Variants in BAALC observed in about 807,000 individuals in gnomAD.
BAALC encodes the protein BAALC binder of MAP3K1 and KLF4.
A neutral mutation model predicts 15.5 loss-of-function variants in BAALC; 9 were observed. That is an observed-to-expected ratio of 0.58 (90% confidence interval 0.35 to 1.02). The LOEUF is 1.02. Ranked by LOEUF, BAALC falls within the 50% of genes least tolerant of loss-of-function variation. The pLI is 0.02. For missense variants in BAALC, 201 were observed against 192.4 expected (o/e 1.04, Z -0.27); for synonymous variants, 80 against 74.6 (o/e 1.07, Z -0.37).
rs572211622 is a variant in BAALC at position 103,203,809 on chromosome 8, ATACTT to A, written c.161-9107_161-9103del. ...TAATATTCCATTGTATATACATAAA[ATACTT>A]TATTTATCTATTCATCAATTGATGG... On this transcript the variant is annotated intron_variant, in intron 1 of 2. Coordinates refer to ENST00000309982, the MANE Select transcript of BAALC (RefSeq NM_024812.3). 3.8e-4 allele frequency among the ~76,000 whole-genome samples: 57 copies of A among 151,580 alleles called. No individual in the cohort carries two copies. In the South Asian group the frequency reaches 7.4e-3, roughly 20 times the overall value.
intron 1 of BAALC, among the ~76,000 whole-genome samples, chr8:103,155,082 A>C (rs761672048): frequency 1.3e-5 from 2 of 152,120 alleles, no homozygotes; most frequent in Non-Finnish European, 2.9e-5. Flanking sequence ...TCCACAAGTC[A>C]TGTAACTTCA....
chr8:103,229,309 G>T lies in BAALC; in HGVS notation c.*1210G>T, dbSNP rs950448728. The stretch of plus-strand genomic sequence containing the variant: ...TGGGATTGGGAAAGATAGGACTAAA[G>T]TTGTGCCAAACTATATCAATAAATT... On this transcript the variant is annotated 3_prime_UTR_variant, in exon 3 of 3. Coordinates refer to ENST00000309982, the MANE Select transcript of BAALC (RefSeq NM_024812.3). 1.3e-5 allele frequency: 2 copies of T among 152,198 alleles called. No individual in the cohort carries two copies. Among genetic ancestry groups the T allele is most frequent in the African/African-American group, 4.8e-5 (2 of 41,454 alleles). The allele number at this position is 152,198 out of a possible 1,614,324, so 9.4% of individuals were successfully genotyped here.
chr8:103,198,036 A>G (rs1196493660), intron 1 of BAALC: 6 of 674,388 alleles, frequency 8.9e-6, no homozygotes, highest in Non-Finnish European at 1.6e-5. Context: ...GATTTGAGCC[A>G]TTAAATATCC....
At position 103,229,915 on chromosome 8, in the gene BAALC, C is replaced by T. The variant is rs1010340284; in HGVS notation, c.*1816C>T. ...ACTGGCATTACTCAGCAGGAGCCCC[C>T]AGCTGCCAAAGGTTGGCAGTGATCC... On this transcript the variant is annotated 3_prime_UTR_variant, in exon 3 of 3. Coordinates refer to ENST00000309982, the MANE Select transcript of BAALC (RefSeq NM_024812.3). 7 of 152,316 alleles carry T rather than the reference C, an allele frequency of 4.6e-5. No individual in the cohort carries two copies. Among genetic ancestry groups the T allele is most frequent in the Admixed American group, 1.3e-4 (2 of 15,302 alleles). 9.4% of individuals were successfully genotyped at this position (152,316 alleles called of 1,614,324 possible). A position where few individuals can be genotyped will look rare whatever the true frequency, so the allele number is the denominator to read the frequency against.
intron 1 of BAALC, among the ~76,000 whole-genome samples, chr8:103,202,298 G>C (rs1279639459): frequency 6.6e-6 from 1 of 152,122 alleles, no homozygotes; most frequent in Non-Finnish European, 1.5e-5. Flanking sequence ...TATTTGGGTA[G>C]GCACAAATCC....
intron 1 of BAALC, among the ~76,000 whole-genome samples, chr8:103,151,860 C>G (rs1005330677): frequency 6.6e-6 from 1 of 152,104 alleles, no homozygotes; most frequent in South Asian, 2.1e-4. Flanking sequence ...ACATCTTTAG[C>G]GATCCTTTCC....
At chr8:103,151,029 T>G (rs1309836010) in intron 1 of BAALC, among the ~76,000 whole-genome samples, 5 of 152,086 alleles carry the variant, frequency 3.3e-5, no homozygotes, top group Admixed American at 1.3e-4. Context: ...ATTTTTTTTT[T>G]TTTTTTGAGA....
chr8:103,172,521 C>T (rs1418799101), intron 1 of BAALC, among the ~76,000 whole-genome samples: 1 of 151,922 alleles, frequency 6.6e-6, no homozygotes, highest in Non-Finnish European at 1.5e-5. Context: ...CCTGCCTCAG[C>T]CTCCCGAGTA....
At chr8:103,151,339 G>A (rs940147434) in intron 1 of BAALC, among the ~76,000 whole-genome samples, 13 of 152,152 alleles carry the variant, frequency 8.5e-5, no homozygotes, top group Admixed American at 7.9e-4. Context: ...TTTAACAACA[G>A]GCATTTATCA....
chr8:103,171,318 TGA>T (rs1811482999), intron 1 of BAALC, among the ~76,000 whole-genome samples: 1 of 109,934 alleles, frequency 9.1e-6, no homozygotes, highest in African/African-American at 3.6e-5. Context: ...GAGGAAACAG[TGA>T]GAGAAAGAGA....
At chr8:103,220,723 G>T (rs180905778) in intron 2 of BAALC, among the ~76,000 whole-genome samples, 1 of 152,192 alleles carries the variant, frequency 6.6e-6, no homozygotes, top group African/African-American at 2.4e-5. Context: ...GAAAATCCCT[G>T]CAACATTCCA....
chr8:103,183,486 G>T (rs1811770475), intron 1 of BAALC: 1 of 702,572 alleles, frequency 1.4e-6, no homozygotes, highest in African/African-American at 1.7e-5. Context: ...GAGAGGGTAT[G>T]GGGGGACCAG....
chr8:103,205,425 C>T (rs900624583), intron 1 of BAALC, among the ~76,000 whole-genome samples: 1 of 152,126 alleles, frequency 6.6e-6, no homozygotes, highest in African/African-American at 2.4e-5. Context: ...TCTAGGGGCA[C>T]ATAAATGTCT....
At chr8:103,189,585 A>G (rs1446584815) in intron 1 of BAALC, among the ~76,000 whole-genome samples, 1 of 152,252 alleles carries the variant, frequency 6.6e-6, no homozygotes, top group Non-Finnish European at 1.5e-5. Context: ...TGCAGATGGC[A>G]GGCATCAGCA....
At chr8:103,178,662 G>C (rs1007517138) in intron 1 of BAALC, among the ~76,000 whole-genome samples, 1 of 152,102 alleles carries the variant, frequency 6.6e-6, no homozygotes, top group Non-Finnish European at 1.5e-5. Flanking sequence ...TTCAAGACCA[G>C]CCTGGCCAAC....
At chr8:103,188,296 T>C (rs1438972576) in intron 1 of BAALC, among the ~76,000 whole-genome samples, 1 of 152,146 alleles carries the variant, frequency 6.6e-6, no homozygotes, top group Non-Finnish European at 1.5e-5. Context: ...AGCCCTAAGA[T>C]TTACTAACTC....
chr8:103,140,821 G>T lies in BAALC; in HGVS notation c.-77G>T, dbSNP rs1424886636. The T allele has an allele frequency of 2.0e-5, 25 of 1,278,944 alleles. No homozygotes were observed. In the East Asian group the frequency reaches 2.7e-4, roughly 14 times the overall value. The allele number at this position is 1,278,944 out of a possible 1,614,324, so 79.2% of individuals were successfully genotyped here. ...GCCGCCGCCGCCTCCTTGCGGGCCG[G>T]GGCTGCGCCTCCGGGGCTGAGCCGC... On this transcript the variant is annotated 5_prime_UTR_variant, in exon 1 of 3. Coordinates refer to ENST00000309982, the MANE Select transcript of BAALC (RefSeq NM_024812.3). This position sits in a 1 kb window ranked among gnomAD's most constrained non-coding sequence, Gnocchi z 4.2.
At chr8:103,170,720 T>G (rs1158798918) in intron 1 of BAALC, among the ~76,000 whole-genome samples, 1 of 152,218 alleles carries the variant, frequency 6.6e-6, no homozygotes, top group Non-Finnish European at 1.5e-5. Flanking sequence ...TTGTTTTCAA[T>G]CACCCAGTTT....
intron 1 of BAALC, among the ~76,000 whole-genome samples, chr8:103,144,219 T>C (rs1283276074): frequency 6.6e-6 from 1 of 152,228 alleles, no homozygotes; most frequent in Admixed American, 6.5e-5. Flanking sequence ...AGGGGGCATG[T>C]TTTTCTCCCA....
Sources: gnomAD v4.1 joint callset for allele counts (sites outside exome capture counted in the v4.1 genomes callset) on GRCh38, gnomAD v4.1.1 for gene constraint, Gnocchi (gnomAD v3.1) non-coding constraint, MANE v1.5 for transcripts, NCBI Gene and HGNC (gene_info 2026-07-23, HGNC 2026-07-21) for gene names.